Variants in ZNF652 observed in about 807,000 individuals in gnomAD.
ZNF652 encodes zinc finger protein 652.
ZNF652 carries 16 observed loss-of-function variants against 45.2 expected under a neutral mutation model. The observed-to-expected ratio is 0.35, with a 90% CI of 0.24 to 0.54. The LOEUF (loss-of-function observed/expected upper bound fraction) is 0.54. Among genes scored for constraint, ZNF652 ranks in the 20% least tolerant of loss-of-function variants. The pLI is 0.91. For synonymous variants in ZNF652, 250 were observed against 260.6 expected (o/e 0.96, Z 0.39); for missense variants, 614 against 765.6 (o/e 0.80, Z 2.34).
intron 1 of ZNF652, among the ~76,000 whole-genome samples, chr17:49,335,975 T>C (rs1598306683): frequency 1.3e-5 from 2 of 152,162 alleles, no homozygotes; most frequent in East Asian, 3.9e-4. Flanking sequence ...AAAAAGGATG[T>C]AGAAGAAATC....
At chr17:49,326,219 C>T (rs533679698) in intron 1 of ZNF652, among the ~76,000 whole-genome samples, 1 of 115,328 alleles carries the variant, frequency 8.7e-6, no homozygotes. Context: ...CCAGCCTGGG[C>T]AACATAGCAA....
chr17:49,305,927 A>G (rs1249768772), intron 5 of ZNF652, among the ~76,000 whole-genome samples: 1 of 152,222 alleles, frequency 6.6e-6, no homozygotes, highest in African/African-American at 2.4e-5. Context: ...AATCCCCACC[A>G]AAACACACTG....
At chr17:49,357,204 C>G (rs1207801273) in intron 1 of ZNF652, among the ~76,000 whole-genome samples, 1 of 151,552 alleles carries the variant, frequency 6.6e-6, no homozygotes. Context: ...GAGGCTGAGG[C>G]AGGAGAATTG....
intron 1 of ZNF652, among the ~76,000 whole-genome samples, chr17:49,331,565 C>A (rs1397735875): frequency 6.6e-6 from 1 of 152,040 alleles, no homozygotes; most frequent in Non-Finnish European, 1.5e-5. Context: ...TTGACTAGAT[C>A]ATTGTGAACC....
intron 1 of ZNF652, among the ~76,000 whole-genome samples, chr17:49,353,703 A>C (rs1233220611): frequency 6.6e-6 from 1 of 152,206 alleles, no homozygotes; most frequent in African/African-American, 2.4e-5. Flanking sequence ...GTACTGTCTC[A>C]AAGTTTTTGT....
At chr17:49,362,442 C>T (rs1359161864), upstream of ZNF652, 2 of 152,096 alleles carry the variant, frequency 1.3e-5, no homozygotes, top group Non-Finnish European at 2.9e-5. Context: ...ATTGTGAGCG[C>T]TCCGCCGCCC....
At position 49,292,056 on chromosome 17, in the gene ZNF652, G is replaced by T. The variant is rs2143661986; in HGVS notation, c.*6357C>A. ...GCCTTCTTAGATACCCACCTTGTGT[G>T]GTTATTAGTCTTAAAAACCTGAGTA... On this transcript the variant is annotated 3_prime_UTR_variant, in exon 6 of 6. Transcript: ENST00000430262. 6.6e-6 allele frequency among the ~76,000 whole-genome samples: 1 copy of T among 152,172 alleles called. No individual in the cohort carries two copies. The highest frequency in any genetic ancestry group is 3.4e-3 in the Middle Eastern group (1 of 292).
chr17:49,291,977 CAAT>C lies in ZNF652; in HGVS notation c.*6433_*6435del, dbSNP rs1456366062. ...TTCTCACAATTTTGCACTATCTCAC[CAAT>C]AATATCTTTCCTGTTGCCAGACAGG... is the stretch of plus-strand genomic sequence containing the variant. On this transcript the variant is annotated 3_prime_UTR_variant, in exon 6 of 6. Coordinates refer to ENST00000430262, the MANE Select transcript of ZNF652 (RefSeq NM_001145365.3). Among the ~76,000 whole-genome samples the C allele has an allele frequency of 6.6e-6, 1 of 152,128 alleles. No homozygotes were observed. The highest frequency in any genetic ancestry group is 2.4e-5 in the African/African-American group (1 of 41,408).
intron 1 of ZNF652, among the ~76,000 whole-genome samples, chr17:49,333,083 A>C (rs1567692798): frequency 1.3e-5 from 2 of 151,268 alleles, no homozygotes; most frequent in South Asian, 4.2e-4. Context: ...TTTGAGACAG[A>C]GTCTCGCTCT....
chr17:49,324,116 C>G (rs1366252422), intron 1 of ZNF652, among the ~76,000 whole-genome samples: 1 of 152,238 alleles, frequency 6.6e-6, no homozygotes, highest in East Asian at 1.9e-4. Context: ...TTAGCTAGAT[C>G]TGGATAACTT....
intron 1 of ZNF652, among the ~76,000 whole-genome samples, chr17:49,341,489 C>CAAAAAA (rs754847307): frequency 3.3e-4 from 27 of 82,142 alleles, no homozygotes; most frequent in African/African-American, 7.0e-4. Context: ...CTCATCTCTA[C>CAAAAAA]AAAAAAAAAA....
rs138327894 is a variant in ZNF652 at position 49,342,116 on chromosome 17, G to T, written c.-259+19793C>A. On this transcript the variant is annotated intron_variant, in intron 1 of 5. Transcript: ENST00000430262. ...CAGGAGAATCGCTTTAACCCGGGAG[G>T]CAGAGTTTGCAGTGAGCCAAGATTG... Among the ~76,000 whole-genome samples, 226 of 151,928 alleles carry T rather than the reference G, an allele frequency of 1.5e-3. 4 individuals carry two copies. In the East Asian group the frequency reaches 0.035, roughly 23 times the overall value.
rs1417363727 is a variant in ZNF652, at chr17:49,317,729, T to C, written c.-4A>G. 6.4e-7 allele frequency: 1 copy of C among 1,570,432 alleles called. No homozygotes were observed. The highest frequency in any genetic ancestry group is 8.7e-7 in the Non-Finnish European group (1 of 1,154,830). On this transcript the variant is annotated 5_prime_UTR_variant, in exon 2 of 6. Coordinates refer to ENST00000430262, the MANE Select transcript of ZNF652 (RefSeq NM_001145365.3). ...AAGAACTGGCTGTGTGGCTCATTGG[T>C]AAGTGGCCCAATTTATTAAACAGTT...
chr17:49,316,913 C>G lies in ZNF652; in HGVS notation c.813G>C (p.Met271Ile). 6.2e-7 allele frequency: 1 copy of G among 1,614,184 alleles called. No individual in the cohort carries two copies. The highest frequency in any genetic ancestry group is 8.5e-7 in the Non-Finnish European group (1 of 1,180,042). The change falls in exon 2 of 6, where the codon ATG becomes ATC. Residue 271 changes from methionine to isoleucine, a missense_variant. Met to Ile is a conservative substitution (Grantham distance 10). Around this residue, in one of 5 missense-constraint regions of ZNF652, gnomAD observed 262 missense variants for 306.3 expected, o/e 0.86. Coordinates refer to ENST00000430262, the MANE Select transcript of ZNF652 (RefSeq NM_001145365.3). The stretch of plus-strand genomic sequence containing the variant: ...TCTTGCCACATTTATCACAAATCTG[C>G]ATGCGCCTATGAGTAACGTTCATGT... Reference protein sequence around the residue: ...EKHMNVTHRRMQICDKCGKKF... With the variant: ...EKHMNVTHRRIQICDKCGKKF...
chr17:49,339,390 A>T (rs971229268), intron 1 of ZNF652, among the ~76,000 whole-genome samples: 2 of 151,282 alleles, frequency 1.3e-5, no homozygotes, highest in African/African-American at 2.4e-5. Flanking sequence ...TAAAAGTAAT[A>T]ACAAAAAGCA....
chr17:49,348,586 G>A (rs1217983082), intron 1 of ZNF652, among the ~76,000 whole-genome samples: 2 of 151,874 alleles, frequency 1.3e-5, no homozygotes, highest in Non-Finnish European at 2.9e-5. Flanking sequence ...GGGGAGGGGA[G>A]AGAAAGAAAA....
At chr17:49,350,213 T>C (rs1455184304) in intron 1 of ZNF652, among the ~76,000 whole-genome samples, 1 of 152,080 alleles carries the variant, frequency 6.6e-6, no homozygotes, top group Non-Finnish European at 1.5e-5. Flanking sequence ...TTGTAACTTT[T>C]CTGTAAATTT....
Position 49,296,460 on chromosome 17 carries a change from C to T in ZNF652, c.*1953G>A, listed in dbSNP as rs569958764. 3 of 152,102 alleles carry T rather than the reference C, an allele frequency of 2.0e-5. No individual in the cohort carries two copies. Among genetic ancestry groups the T allele is most frequent in the Non-Finnish European group, 4.4e-5 (3 of 67,954 alleles). The allele number at this position is 152,102 out of a possible 1,614,324, so 9.4% of individuals were successfully genotyped here. On this transcript the variant is annotated 3_prime_UTR_variant, in exon 6 of 6. Transcript: ENST00000430262. ...AGAGCTCATTAGTTAGAAAAGTGCTCGAAGCATATCTGCACATTTAATATT... is the reference window on the plus strand; with the variant it reads ...AGAGCTCATTAGTTAGAAAAGTGCTTGAAGCATATCTGCACATTTAATATT...
At position 49,310,866 on chromosome 17, in the gene ZNF652, C is replaced by T. The variant is rs374568115; in HGVS notation, c.1309+446G>A. Among the ~76,000 whole-genome samples the T allele has an allele frequency of 1.4e-4, 22 of 152,282 alleles. No homozygotes were observed. The South Asian group carries it at 4.6e-3, about 32-fold the overall frequency. On this transcript the variant is annotated intron_variant, in intron 5 of 5. Coordinates refer to ENST00000430262, the MANE Select transcript of ZNF652 (RefSeq NM_001145365.3). ...GCAGTGAGCTGAGATCGCGCCACTG[C>T]CCTCCAGCCTGGATAATGGAAAAGA...
Sources: allele counts gnomAD v4.1 joint callset (sites outside exome capture counted in the v4.1 genomes callset), GRCh38; gene constraint gnomAD v4.1.1; regional missense constraint gnomAD v4.1.1; transcripts MANE v1.5; gene names NCBI Gene and HGNC (gene_info 2026-07-23, HGNC 2026-07-21).